The following IQSEC1 variants were observed in gnomAD, a reference collection of about 807,000 sequenced individuals.
The protein encoded by IQSEC1 is IQ motif and Sec7 domain ArfGEF 1.
In IQSEC1, 31 loss-of-function variants were observed where a neutral mutation model predicts 91.0. That is an observed-to-expected ratio of 0.34 (90% CI 0.26 to 0.46). The LOEUF (loss-of-function observed/expected upper bound fraction) is 0.46. Ranked by LOEUF, IQSEC1 falls within the 20% of genes least tolerant of loss-of-function variation. The pLI is 1.00. For missense variants in IQSEC1, 1,388 were observed against 1,575.6 expected, an observed-to-expected ratio of 0.88 and a Z score of 2.02; for synonymous variants, 699 against 662.6, an observed-to-expected ratio of 1.05 and a Z score of -0.84.
chr3:13,122,839 G>A (rs115534057), intron 2 of IQSEC1, among the ~76,000 whole-genome samples: 2 of 151,854 alleles, frequency 1.3e-5, no homozygotes, highest in East Asian at 1.9e-4. Context: ...AGACCCTCGA[G>A]GGGGAGGCAG....
At chr3:13,033,068 A>G (rs1256756989) in intron 1 of IQSEC1, among the ~76,000 whole-genome samples, 4 of 151,152 alleles carry the variant, frequency 2.6e-5, no homozygotes, top group African/African-American at 9.7e-5. Context: ...TTTATTTTAA[A>G]ATTCAATATT....
intron 1 of IQSEC1, chr3:13,053,082 G>T: frequency 9.9e-7 from 1 of 1,012,278 alleles, no homozygotes; most frequent in Non-Finnish European, 1.6e-6. Context: ...TATTTTCTTG[G>T]CCAGGAATCG....
intron 1 of IQSEC1, among the ~76,000 whole-genome samples, chr3:13,007,812 T>C (rs999471542): frequency 2.6e-5 from 4 of 152,188 alleles, no homozygotes; most frequent in Non-Finnish European, 5.9e-5. Flanking sequence ...AGTTTGGGGC[T>C]GAGCCCAGCC....
chr3:13,279,024 C>T (rs986853600), intron 1 of IQSEC1, among the ~76,000 whole-genome samples: 1 of 152,158 alleles, frequency 6.6e-6, no homozygotes. Flanking sequence ...ATGACCTGAC[C>T]AAGGCATAGA....
At chr3:12,966,003 C>T (rs961109989) in intron 1 of IQSEC1, among the ~76,000 whole-genome samples, 4 of 152,176 alleles carry the variant, frequency 2.6e-5, no homozygotes, top group African/African-American at 7.2e-5. Context: ...GAATGCTCAG[C>T]CTCGATTTGC....
intron 2 of IQSEC1, among the ~76,000 whole-genome samples, chr3:13,137,977 C>T (rs1271722363): frequency 6.6e-6 from 1 of 152,244 alleles, no homozygotes; most frequent in Non-Finnish European, 1.5e-5. Flanking sequence ...TCACTCGCAG[C>T]TGTTCTAACA....
intron 1 of IQSEC1, among the ~76,000 whole-genome samples, chr3:12,986,742 C>G (rs928143884): frequency 6.6e-6 from 1 of 152,150 alleles, no homozygotes; most frequent in African/African-American, 2.4e-5. Context: ...CTGAAGAGGA[C>G]GAGGAGCTGG....
intron 1 of IQSEC1, among the ~76,000 whole-genome samples, chr3:13,192,317 A>G (rs530884845): frequency 1.9e-3 from 285 of 150,298 alleles, no homozygotes; most frequent in African/African-American, 3.4e-3. Context: ...CAGCCTGGGC[A>G]ACAGAGCGAG....
chr3:13,162,646 G>A (rs1037021188), intron 2 of IQSEC1, among the ~76,000 whole-genome samples: 15 of 152,198 alleles, frequency 9.9e-5, no homozygotes, highest in African/African-American at 3.4e-4. Context: ...AAGAATATAC[G>A]TACTTACACC....
intron 2 of IQSEC1, among the ~76,000 whole-genome samples, chr3:13,145,701 A>C (rs1706878122): frequency 6.7e-6 from 1 of 148,998 alleles, no homozygotes; most frequent in African/African-American, 2.5e-5. Flanking sequence ...GTCCCAGAGG[A>C]GGCGTGGACA....
At chr3:12,965,970 A>T (rs2125512326) in intron 1 of IQSEC1, among the ~76,000 whole-genome samples, 1 of 152,348 alleles carries the variant, frequency 6.6e-6, no homozygotes, top group East Asian at 1.9e-4. Flanking sequence ...AATAAACCAC[A>T]GAGCTTTAGT....
At chr3:13,140,540 G>C (rs1177855541) in intron 2 of IQSEC1, among the ~76,000 whole-genome samples, 2 of 152,186 alleles carry the variant, frequency 1.3e-5, no homozygotes, top group Admixed American at 6.5e-5. Flanking sequence ...TGGGCAAGAG[G>C]GTGTAAGGAA....
intron 1 of IQSEC1, chr3:13,047,502 C>A (rs1704544158): frequency 1.0e-6 from 1 of 985,228 alleles, no homozygotes; most frequent in African/African-American, 1.7e-5. Flanking sequence ...GGAGAGGCTG[C>A]TTCCGGTGTC....
intron 2 of IQSEC1, among the ~76,000 whole-genome samples, chr3:13,093,716 T>C (rs1026530839): frequency 1.3e-5 from 2 of 152,184 alleles, no homozygotes; most frequent in African/African-American, 4.8e-5. Flanking sequence ...CGAGCACTGA[T>C]GACGACTGAG....
Position 12,935,716 on chromosome 3 carries a change from G to A in IQSEC1, c.1300C>T (p.His434Tyr). 2 of 1,613,034 alleles carry A rather than the reference G, an allele frequency of 1.2e-6. No individual in the cohort carries two copies. The highest frequency in any genetic ancestry group is 1.7e-6 in the Non-Finnish European group (2 of 1,180,000). The part of the protein sequence containing the change: ...RPRPPRPLDS[H>Y]LAINGSANRQ... ...TTGGCTGAGCCATTGATGGCCAAGT[G>A]GCTGTCCAGGGGCCTGGGGGGCCGG... Residue 434 changes from histidine to tyrosine, a missense_variant, in exon 3 of 14, where the codon CAC (histidine) becomes TAC (tyrosine). This residue lies in a region of IQSEC1 where 1,059 missense variants were observed against 1,317.8 expected (regional missense o/e 0.80). Coordinates refer to ENST00000613206, the MANE Select transcript of IQSEC1 (RefSeq NM_001134382.3). The surrounding 1 kb of genome is among the most constrained non-coding windows in gnomAD (Gnocchi z 8.0).
At chr3:13,250,461 C>T (rs1304282005) in intron 1 of IQSEC1, among the ~76,000 whole-genome samples, 1 of 149,238 alleles carries the variant, frequency 6.7e-6, no homozygotes, top group Non-Finnish European at 1.5e-5. Flanking sequence ...CTCTGTCACC[C>T]AGGCTGGAGT....
At chr3:13,112,731 C>A (rs1706269442) in intron 2 of IQSEC1, among the ~76,000 whole-genome samples, 1 of 152,220 alleles carries the variant, frequency 6.6e-6, no homozygotes, top group East Asian at 1.9e-4. Flanking sequence ...CGGGGGCGAG[C>A]AGGCCCACCT....
intron 1 of IQSEC1, among the ~76,000 whole-genome samples, chr3:13,020,449 C>T (rs1425477916): frequency 1.3e-5 from 2 of 152,356 alleles, no homozygotes; most frequent in East Asian, 3.9e-4. Flanking sequence ...GGCACTCTCA[C>T]CCAGCAGCAG....
intron 1 of IQSEC1, among the ~76,000 whole-genome samples, chr3:13,254,104 G>A (rs1266025074): frequency 2.6e-5 from 4 of 152,240 alleles, no homozygotes; most frequent in African/African-American, 7.2e-5. Flanking sequence ...CGTTGACCTG[G>A]AGGTCCTGGC....
Sources: allele counts gnomAD v4.1 joint callset (sites outside exome capture counted in the v4.1 genomes callset), GRCh38; gene constraint gnomAD v4.1.1; regional missense constraint gnomAD v4.1.1; non-coding constraint Gnocchi (gnomAD v3.1); transcripts MANE v1.5; gene names NCBI Gene and HGNC (gene_info 2026-07-23, HGNC 2026-07-21).